The following TIAM1 variants were observed in gnomAD, a reference collection of about 807,000 sequenced individuals.
TIAM1 encodes the protein rho guanine nucleotide exchange factor TIAM1.
TIAM1 carries 65 observed loss-of-function variants against 163.5 expected under a neutral mutation model. The observed-to-expected ratio is 0.40, with a 90% confidence interval of 0.33 to 0.49. The LOEUF is 0.49. TIAM1 is among the 20% of genes least tolerant of loss of function. The probability of loss-of-function intolerance (pLI) is 0.77; values close to 1 mark genes in which losing one functional copy is unlikely to be tolerated. For synonymous variants in TIAM1, 833 were observed against 810.1 expected (o/e 1.03, Z -0.48); for missense variants, 1,789 against 2,044.7 (o/e 0.87, Z 2.41).
chr21:31,310,120 A>G (rs2146985727), intron 2 of TIAM1, among the ~76,000 whole-genome samples: 1 of 152,326 alleles, frequency 6.6e-6, no homozygotes, highest in Non-Finnish European at 1.5e-5. Context: ...GTACATTTCC[A>G]GGCCCATCAC....
chr21:31,407,658 CAG>C (rs1191209316), intron 2 of TIAM1, among the ~76,000 whole-genome samples: 82 of 97,376 alleles, frequency 8.4e-4, no homozygotes, highest in African/African-American at 4.0e-3. Context: ...TTTTTTTGGA[CAG>C]AGTCTCGCTC....
At position 31,210,029 on chromosome 21, in the gene TIAM1, C is replaced by T; in HGVS notation, c.2388+16G>A. On this transcript the variant is annotated intron_variant, in intron 11 of 27. Coordinates refer to ENST00000541036, the MANE Select transcript of TIAM1 (RefSeq NM_001353694.2). ...TTCTGCTCTTCTTGGAGAAACAACCCAAAGCAGCTCCATACCTTGCAAATC... is the reference window on the plus strand; with the variant it reads ...TTCTGCTCTTCTTGGAGAAACAACCTAAAGCAGCTCCATACCTTGCAAATC... The T allele has an allele frequency of 6.2e-7, 1 of 1,607,970 alleles. No individual in the cohort carries two copies. The highest frequency in any genetic ancestry group is 8.5e-7 in the Non-Finnish European group (1 of 1,177,408).
chr21:31,206,211 T>A (rs898272994), intron 11 of TIAM1, among the ~76,000 whole-genome samples: 1 of 152,196 alleles, frequency 6.6e-6, no homozygotes, highest in Non-Finnish European at 1.5e-5. Context: ...CTTACTATTT[T>A]GGTAAAAGTT....
chr21:31,295,295 C>T (rs2074200202), intron 2 of TIAM1, among the ~76,000 whole-genome samples: 2 of 151,962 alleles, frequency 1.3e-5, no homozygotes, highest in South Asian at 4.2e-4. Flanking sequence ...ACGGTGAAAC[C>T]CCGTCTCTAC....
intron 16 of TIAM1, among the ~76,000 whole-genome samples, chr21:31,155,706 A>G (rs147347188): frequency 0.02 from 2,969 of 151,984 alleles, 98 homozygotes; most frequent in African/African-American, 0.066. Flanking sequence ...GGATTTCAAC[A>G]TGTTGGCCAG....
intron 3 of TIAM1, among the ~76,000 whole-genome samples, chr21:31,267,197 C>T (rs2072826611): frequency 6.6e-6 from 1 of 152,062 alleles, no homozygotes; most frequent in Admixed American, 6.6e-5. Context: ...CTGAGACTGC[C>T]CCCTGAGATG....
intron 1 of TIAM1, among the ~76,000 whole-genome samples, chr21:31,482,747 C>T (rs2046154582): frequency 6.6e-6 from 1 of 152,232 alleles, no homozygotes; most frequent in South Asian, 2.1e-4. Flanking sequence ...TTGAAGCTTG[C>T]CGGTCCTCAG....
intron 6 of TIAM1, among the ~76,000 whole-genome samples, chr21:31,242,155 T>C (rs2071215840): frequency 6.6e-6 from 1 of 152,162 alleles, no homozygotes; most frequent in African/African-American, 2.4e-5. Flanking sequence ...ATAAACCATG[T>C]CTAAAGAAAT....
At chr21:31,513,127 T>A (rs1392075542) in intron 1 of TIAM1, among the ~76,000 whole-genome samples, 1 of 152,212 alleles carries the variant, frequency 6.6e-6, no homozygotes, top group Non-Finnish European at 1.5e-5. Flanking sequence ...GCAATGCTAT[T>A]TATTTTGTTT....
Position 31,128,682 on chromosome 21 carries a change from ACAT to A in TIAM1, c.4045+1528_4045+1530del, listed in dbSNP as rs372123638. On this transcript the variant is annotated intron_variant, in intron 25 of 27. Coordinates refer to ENST00000541036, the MANE Select transcript of TIAM1 (RefSeq NM_001353694.2). Reference sequence around the variant, plus strand: ...CATATATAAATCAATTTTGCAAATCACATCATAAGTAAAAGGGCATCCGGCAAA... The same window carrying A: ...CATATATAAATCAATTTTGCAAATCACATAAGTAAAAGGGCATCCGGCAAA... Among the ~76,000 whole-genome samples, 506 of 152,340 alleles carry A rather than the reference ACAT, an allele frequency of 3.3e-3. 5 individuals carry two copies. Among genetic ancestry groups the A allele is most frequent in the African/African-American group, 0.012 (485 of 41,582 alleles).
intron 11 of TIAM1, among the ~76,000 whole-genome samples, chr21:31,205,102 T>G (rs764908001): frequency 6.6e-6 from 1 of 152,238 alleles, no homozygotes; most frequent in Non-Finnish European, 1.5e-5. Flanking sequence ...TGCTACTTAC[T>G]GCTGGAGAAT....
chr21:31,448,330 C>T (rs553954169), intron 2 of TIAM1, among the ~76,000 whole-genome samples: 1 of 152,204 alleles, frequency 6.6e-6, no homozygotes, highest in South Asian at 2.1e-4. Context: ...GGAGGCCAGG[C>T]GCGGTGGCTC....
chr21:31,201,720 C>A (rs915755239), intron 12 of TIAM1, among the ~76,000 whole-genome samples: 1 of 152,178 alleles, frequency 6.6e-6, no homozygotes, highest in African/African-American at 2.4e-5. Flanking sequence ...TGTGGTGAAA[C>A]CCTCTCTGAA....
At chr21:31,423,016 CAG>C (rs946025541) in intron 2 of TIAM1, among the ~76,000 whole-genome samples, 75 of 112,698 alleles carry the variant, frequency 6.7e-4, no homozygotes, top group African/African-American at 2.4e-3. Flanking sequence ...CACTGTCACA[CAG>C]AGTCACTTAA....
chr21:31,301,825 A>G (rs902642976), intron 2 of TIAM1, among the ~76,000 whole-genome samples: 5 of 151,110 alleles, frequency 3.3e-5, no homozygotes, highest in African/African-American at 1.2e-4. Flanking sequence ...GGGCAACAAG[A>G]GTGAAACTCC....
intron 2 of TIAM1, among the ~76,000 whole-genome samples, chr21:31,443,387 T>C (rs866070624): frequency 1.3e-5 from 2 of 152,362 alleles, no homozygotes; most frequent in Middle Eastern, 3.4e-3. Flanking sequence ...CCAGAGTCTA[T>C]GGACCACGCT....
chr21:31,413,856 G>A (rs946840172), intron 2 of TIAM1, among the ~76,000 whole-genome samples: 5 of 152,104 alleles, frequency 3.3e-5, no homozygotes, highest in East Asian at 1.9e-4. Flanking sequence ...TGAAGACCCA[G>A]TCCCAAAGCT....
chr21:31,153,257 TC>T (rs1437559835), intron 17 of TIAM1, 123 bp from the exon 18 acceptor site: 1 of 757,124 alleles, frequency 1.3e-6, no homozygotes, highest in Non-Finnish European at 2.0e-6. Flanking sequence ...ACAGATCCTG[TC>T]CCGAAGGCTA....
At position 31,168,239 on chromosome 21, in the gene TIAM1, C is replaced by T. The variant is rs151087291; in HGVS notation, c.2888-3174G>A. 7.8e-3 allele frequency among the ~76,000 whole-genome samples: 1,184 copies of T among 151,802 alleles called. 18 individuals are homozygous for T. The highest frequency in any genetic ancestry group is 0.027 in the African/African-American group (1,113 of 41,408). On this transcript the variant is annotated intron_variant, in intron 15 of 27. Coordinates refer to ENST00000541036, the MANE Select transcript of TIAM1 (RefSeq NM_001353694.2). ...TCCTGAGTAGCTGGGATTACAGGTGCCCGTCACCACGCTGGCTAATTTCTG... is the reference window on the plus strand; with the variant it reads ...TCCTGAGTAGCTGGGATTACAGGTGTCCGTCACCACGCTGGCTAATTTCTG...
Sources: allele counts gnomAD v4.1 joint callset (sites outside exome capture counted in the v4.1 genomes callset), GRCh38; gene constraint gnomAD v4.1.1; transcripts MANE v1.5; gene names NCBI Gene and HGNC (gene_info 2026-07-23, HGNC 2026-07-21).